SLC8A1: variants seen among roughly 807,000 people sequenced by gnomAD.
SLC8A1 encodes solute carrier family 8 member A1, also known as sodium/calcium exchanger 1.
A neutral mutation model predicts 68.3 loss-of-function variants in SLC8A1; 18 were observed. The ratio of observed to expected loss-of-function variants is 0.26; its 90% confidence interval spans 0.18 to 0.39. The LOEUF (loss-of-function observed/expected upper bound fraction) is 0.39, where lower values mean the gene tolerates loss of function less well. Ranked by LOEUF, SLC8A1 falls within the 10% of genes least tolerant of loss-of-function variation. The pLI is 1.00. For missense variants in SLC8A1, 985 were observed against 1,156.7 expected (o/e 0.85, Z 2.15); for synonymous variants, 475 against 415.5 (o/e 1.14, Z -1.74).
chr2:40,316,000 C>G (rs1290500600), intron 2 of SLC8A1, among the ~76,000 whole-genome samples: 1 of 151,964 alleles, frequency 6.6e-6, no homozygotes, highest in Non-Finnish European at 1.5e-5. Context: ...AGAAAATAGT[C>G]CATAGGTTCT....
chr2:40,258,860 C>G (rs776766819), intron 2 of SLC8A1, among the ~76,000 whole-genome samples: 4 of 149,704 alleles, frequency 2.7e-5, no homozygotes, highest in Non-Finnish European at 5.9e-5. Flanking sequence ...AAAAAACAAA[C>G]AAAAAACAAC....
At chr2:40,403,314 G>GAGGAA (rs1270500717) in intron 2 of SLC8A1, among the ~76,000 whole-genome samples, 1 of 152,114 alleles carries the variant, frequency 6.6e-6, no homozygotes, top group East Asian at 1.9e-4. Flanking sequence ...ATTACTTAAG[G>GAGGAA]AGGAAATGCT....
chr2:40,266,991 G>C (rs910232686), intron 2 of SLC8A1, among the ~76,000 whole-genome samples: 2 of 152,142 alleles, frequency 1.3e-5, no homozygotes, highest in Non-Finnish European at 2.9e-5. Context: ...GGGGGTGAGG[G>C]CTTTCCCTCC....
chr2:40,392,736 T>G (rs963914487), intron 2 of SLC8A1, among the ~76,000 whole-genome samples: 1 of 151,984 alleles, frequency 6.6e-6, no homozygotes, highest in Non-Finnish European at 1.5e-5. Context: ...ATGATCACAG[T>G]ACCGGAAAAA....
At chr2:40,130,844 A>G (rs1349058519) in intron 7 of SLC8A1, among the ~76,000 whole-genome samples, 1 of 152,248 alleles carries the variant, frequency 6.6e-6, no homozygotes, top group African/African-American at 2.4e-5. Flanking sequence ...GAGAAAGCTC[A>G]TGGTCAGTGA....
intron 2 of SLC8A1, among the ~76,000 whole-genome samples, chr2:40,178,990 AT>A (rs1241474462): frequency 3.9e-5 from 6 of 152,144 alleles, no homozygotes; most frequent in Non-Finnish European, 7.4e-5. Flanking sequence ...CAAATATAGT[AT>A]TTTTATCATA....
At chr2:40,379,387 A>T (rs1200214439) in intron 2 of SLC8A1, among the ~76,000 whole-genome samples, 1 of 152,066 alleles carries the variant, frequency 6.6e-6, no homozygotes, top group Non-Finnish European at 1.5e-5. Context: ...TCAATTTTTC[A>T]TATGATTTTT....
At chr2:40,437,354 C>A (rs908043466) in intron 1 of SLC8A1, among the ~76,000 whole-genome samples, 2 of 152,094 alleles carry the variant, frequency 1.3e-5, no homozygotes, top group African/African-American at 4.8e-5. Context: ...TGTTTCCACT[C>A]CTGCCTGATG....
intron 7 of SLC8A1, among the ~76,000 whole-genome samples, chr2:40,126,045 G>T (rs959988108): frequency 6.6e-6 from 1 of 152,142 alleles, no homozygotes; most frequent in African/African-American, 2.4e-5. Flanking sequence ...GGAAACGGAA[G>T]CTCCTTAGGG....
At chr2:40,230,967 T>C (rs1574403417) in intron 2 of SLC8A1, among the ~76,000 whole-genome samples, 1 of 152,208 alleles carries the variant, frequency 6.6e-6, no homozygotes, top group South Asian at 2.1e-4. Flanking sequence ...AATACTCAAG[T>C]GTCCAGACTT....
chr2:40,331,640 C>T (rs996059775), intron 2 of SLC8A1, among the ~76,000 whole-genome samples: 7 of 151,908 alleles, frequency 4.6e-5, no homozygotes, highest in African/African-American at 1.7e-4. Context: ...GTCGCCCAGG[C>T]TAGGGTGCAA....
At chr2:40,262,308 C>T (rs1023801925) in intron 2 of SLC8A1, among the ~76,000 whole-genome samples, 1 of 152,160 alleles carries the variant, frequency 6.6e-6, no homozygotes, top group South Asian at 2.1e-4. Flanking sequence ...TTTTGGTTTA[C>T]TGCAAGAAAC....
At chr2:40,261,604 A>G (rs2064708311) in intron 2 of SLC8A1, among the ~76,000 whole-genome samples, 1 of 152,204 alleles carries the variant, frequency 6.6e-6, no homozygotes, top group African/African-American at 2.4e-5. Context: ...GATCCTAAAA[A>G]TGAGGTAGCT....
intron 2 of SLC8A1, among the ~76,000 whole-genome samples, chr2:40,370,839 G>A (rs1427860883): frequency 6.6e-6 from 1 of 151,992 alleles, no homozygotes; most frequent in Non-Finnish European, 1.5e-5. Context: ...TTACAAATAA[G>A]GAAATTGAAG....
chr2:40,455,593 G>A (rs1022022345), upstream of SLC8A1, among the ~76,000 whole-genome samples: 1 of 152,122 alleles, frequency 6.6e-6, no homozygotes, highest in Non-Finnish European at 1.5e-5. Flanking sequence ...GTGGAGCTTA[G>A]AATTAGCCAT....
chr2:40,244,141 C>G (rs1241135228), intron 2 of SLC8A1, among the ~76,000 whole-genome samples: 1 of 152,146 alleles, frequency 6.6e-6, no homozygotes, highest in Non-Finnish European at 1.5e-5. Context: ...CTCCTCTAAG[C>G]TTTCCTATGT....
At chr2:40,420,506 A>G (rs1695196840) in intron 2 of SLC8A1, among the ~76,000 whole-genome samples, 1 of 152,192 alleles carries the variant, frequency 6.6e-6, no homozygotes, top group African/African-American at 2.4e-5. Flanking sequence ...CTTTTTAAAA[A>G]CTAGGAACAT....
At chr2:40,324,093 T>A (rs1430624130) in intron 2 of SLC8A1, among the ~76,000 whole-genome samples, 1 of 151,868 alleles carries the variant, frequency 6.6e-6, no homozygotes, top group Non-Finnish European at 1.5e-5. Flanking sequence ...AAATGCGGCA[T>A]ATAGTCACCC....
At chr2:40,267,348 A>G (rs778324188) in intron 2 of SLC8A1, among the ~76,000 whole-genome samples, 6 of 152,190 alleles carry the variant, frequency 3.9e-5, no homozygotes, top group Admixed American at 1.3e-4. Context: ...TTAGTAACAT[A>G]TACTTAGTGA....
Sources: allele counts gnomAD v4.1 joint callset (sites outside exome capture counted in the v4.1 genomes callset), GRCh38; gene constraint gnomAD v4.1.1; transcripts MANE v1.5; gene names NCBI Gene and HGNC (gene_info 2026-07-23, HGNC 2026-07-21).